Variants in PLEKHM3 observed in about 807,000 individuals in gnomAD.
The protein encoded by PLEKHM3 is pleckstrin homology domain containing M3, also known as pleckstrin homology domain-containing family M member 3.
A neutral mutation model predicts 81.8 loss-of-function variants in PLEKHM3; 45 were observed. That is an observed-to-expected ratio of 0.55 (90% CI 0.43 to 0.71). The LOEUF is 0.71. PLEKHM3 is among the 30% of genes least tolerant of loss of function. The probability of loss-of-function intolerance (pLI) is 0.00; values close to 1 mark genes in which losing one functional copy is unlikely to be tolerated. For missense variants in PLEKHM3, 788 were observed against 924.3 expected (o/e 0.85, Z 1.91); for synonymous variants, 352 against 356.4 (o/e 0.99, Z 0.14).
At chr2:208,005,366 C>T (rs1263122755) in intron 1 of PLEKHM3, among the ~76,000 whole-genome samples, 1 of 152,138 alleles carries the variant, frequency 6.6e-6, no homozygotes. Context: ...ATTTAGTTGT[C>T]ATGTTTCTTG....
At chr2:207,916,316 C>T (rs1056732135) in intron 5 of PLEKHM3, among the ~76,000 whole-genome samples, 1 of 152,110 alleles carries the variant, frequency 6.6e-6, no homozygotes, top group Non-Finnish European at 1.5e-5. Flanking sequence ...AGTATTGTGG[C>T]ATCTGATTAT....
intron 5 of PLEKHM3, among the ~76,000 whole-genome samples, chr2:207,923,907 T>TATATA (rs1689292624): frequency 1.5e-5 from 1 of 66,166 alleles, no homozygotes; most frequent in African/African-American, 7.9e-5. Context: ...ATATATATAT[T>TATATA]TTTTTTTTTT....
At chr2:208,011,785 C>CATT (rs1692703309) in intron 1 of PLEKHM3, among the ~76,000 whole-genome samples, 1 of 79,992 alleles carries the variant, frequency 1.3e-5, no homozygotes, top group African/African-American at 6.0e-5. Flanking sequence ...CTCTGATAAA[C>CATT]TTTTTTTTTT....
chr2:207,977,048 C>T lies in PLEKHM3; in HGVS notation c.1149G>A (p.Val383=), dbSNP rs1212993259. ...VQNNWKAFTF[V]LSRAYLMAFQ... is the part of the protein sequence containing the mutation. ...AAGCCATAAGGTAAGCCCTGCTCAG[C>T]ACAAATGTAAATGCCTTCCAGTTGT... The change falls in exon 3 of 8, where the codon GTG becomes GTA. Residue 383 remains valine (V), a synonymous_variant. Transcript: ENST00000427836. 1 of 1,614,254 alleles carries T rather than the reference C, an allele frequency of 6.2e-7. No homozygotes were observed. The highest frequency in any genetic ancestry group is 1.1e-5 in the South Asian group (1 of 91,090).
rs1362164015 is a variant in PLEKHM3 at position 208,001,053 on chromosome 2, A to G, written c.587T>C (p.Ile196Thr). 8 of 1,552,746 alleles carry G rather than the reference A, an allele frequency of 5.2e-6. No homozygotes were observed. The highest frequency in any genetic ancestry group is 4.1e-5 in the African/African-American group (3 of 72,878). The change falls in exon 2 of 8, where the codon ATA becomes ACA. Residue 196 changes from isoleucine (I) to threonine (T), a missense_variant. Ile to Thr is a moderately conservative substitution (Grantham distance 89, BLOSUM62 -1). Coordinates refer to ENST00000427836, the MANE Select transcript of PLEKHM3 (RefSeq NM_001080475.3). ...ACCAGTATTTCCTTGAGCATCTTCT[A>G]TCTTATTTGGTGAGGGCAACAGAAA... is the stretch of plus-strand genomic sequence containing the variant. ...PSFLLPSPNK[I>T]EDAQGNTEHK...
intron 2 of PLEKHM3, among the ~76,000 whole-genome samples, chr2:207,998,111 A>G (rs549375758): frequency 6.6e-6 from 1 of 152,286 alleles, no homozygotes; most frequent in African/African-American, 2.4e-5. Flanking sequence ...GGCAATAGGA[A>G]TATGATTTAT....
At position 207,878,012 on chromosome 2, in the gene PLEKHM3, C is replaced by T. The variant is rs116998898; in HGVS notation, c.1951-16750G>A. Among the ~76,000 whole-genome samples the T allele has an allele frequency of 9.3e-4, 142 of 152,222 alleles. 4 individuals carry two copies. In the East Asian group the frequency reaches 0.024, roughly 26 times the overall value. On this transcript the variant is annotated intron_variant, in intron 6 of 7. Transcript: ENST00000427836. ...GTGCAGTGGCGTAATCTTGTCTTACCGCAACCATCTCTGCCTCCTGGGCTC... is the reference window on the plus strand; with the variant it reads ...GTGCAGTGGCGTAATCTTGTCTTACTGCAACCATCTCTGCCTCCTGGGCTC...
chr2:207,965,599 A>G (rs888318520), intron 3 of PLEKHM3, among the ~76,000 whole-genome samples: 1 of 152,242 alleles, frequency 6.6e-6, no homozygotes, highest in African/African-American at 2.4e-5. Context: ...ATATAAAGTG[A>G]TCAAATCTCT....
chr2:207,992,515 AAAAAC>A (rs900302574), intron 2 of PLEKHM3, among the ~76,000 whole-genome samples: 2 of 152,168 alleles, frequency 1.3e-5, no homozygotes, highest in Non-Finnish European at 2.9e-5. Flanking sequence ...ATTCTGAATA[AAAAAC>A]AAAACATCAC....
At position 207,853,786 on chromosome 2, in the gene PLEKHM3, T is replaced by G. The variant is rs1403404594; in HGVS notation, c.2108+7319A>C. On this transcript the variant is annotated intron_variant, in intron 7 of 7. Coordinates refer to ENST00000427836, the MANE Select transcript of PLEKHM3 (RefSeq NM_001080475.3). Reference sequence around the variant, plus strand: ...CATGCTTGCTATTATTATTATTTTTTTTTTGACAAAGTCTTACTCTGTTGC... The same window carrying G: ...CATGCTTGCTATTATTATTATTTTTGTTTTGACAAAGTCTTACTCTGTTGC... Among the ~76,000 whole-genome samples, 3 of 152,012 alleles carry G rather than the reference T, an allele frequency of 2.0e-5. No homozygotes were observed. The East Asian group carries it at 5.8e-4, about 29-fold the overall frequency.
intron 3 of PLEKHM3, among the ~76,000 whole-genome samples, chr2:207,968,438 T>C (rs1302029785): frequency 6.6e-6 from 1 of 152,154 alleles, no homozygotes; most frequent in East Asian, 1.9e-4. Flanking sequence ...TAGTACAGAT[T>C]CTCTGACATG....
rs180695871 is a variant in PLEKHM3, at chr2:208,010,870, C to T, written c.-318-8913G>A. On this transcript the variant is annotated intron_variant, in intron 1 of 7. Transcript: ENST00000427836. The stretch of plus-strand genomic sequence containing the variant: ...CTCACAAAACTAAAACTGAGTTAAT[C>T]TCAGGAAAAAATCACTTGGTTTTTA... Among the ~76,000 whole-genome samples the T allele has an allele frequency of 2.6e-3, 400 of 152,130 alleles. 2 individuals are homozygous for T. The highest frequency in any genetic ancestry group is 9.0e-3 in the African/African-American group (373 of 41,510).
rs74937441 is a variant in PLEKHM3 at position 207,906,360 on chromosome 2, C to A, written c.1950+2154G>T. On this transcript the variant is annotated intron_variant, in intron 6 of 7. Coordinates refer to ENST00000427836, the MANE Select transcript of PLEKHM3 (RefSeq NM_001080475.3). ...GCTTGACTATGTAGTAAAGGTCAGG[C>A]AGGACCAAAGGAGTTGGGAGAGCTG... is the stretch of plus-strand genomic sequence containing the variant. Among the ~76,000 whole-genome samples, 250 of 152,304 alleles carry A rather than the reference C, an allele frequency of 1.6e-3. 2 individuals are homozygous for A. The highest frequency in any genetic ancestry group is 5.7e-3 in the African/African-American group (236 of 41,566).
At chr2:208,017,119 T>G (rs1205328664) in intron 1 of PLEKHM3, among the ~76,000 whole-genome samples, 1 of 152,250 alleles carries the variant, frequency 6.6e-6, no homozygotes, top group Non-Finnish European at 1.5e-5. Context: ...GTGGAATTTT[T>G]TTTTCCTAAT....
chr2:207,982,248 C>T (rs537528186), intron 2 of PLEKHM3, among the ~76,000 whole-genome samples: 53 of 128,684 alleles, frequency 4.1e-4, no homozygotes, highest in Non-Finnish European at 7.3e-4. Context: ...CCCCTCGCTC[C>T]CCCCCTCCCT....
At position 207,828,343 on chromosome 2, in the gene PLEKHM3, G is replaced by A. The variant is rs747379143; in HGVS notation, c.2262C>T (p.Phe754=). The A allele has an allele frequency of 1.1e-5, 18 of 1,613,376 alleles. No homozygotes were observed. The highest frequency in any genetic ancestry group is 6.7e-5 in the East Asian group (3 of 44,872). ...DESLEEACTM[F]ELSYQNT ...GTCAGGTGTTCTGGTAGGACAGCTC[G>A]AACATGGTGCAAGCCTCCTCTAGAC... Residue 754 remains phenylalanine (F), a synonymous_variant, in exon 8 of 8, where the codon TTC becomes TTT. Transcript: ENST00000427836.
intron 5 of PLEKHM3, among the ~76,000 whole-genome samples, chr2:207,916,496 T>C (rs1266666788): frequency 1.3e-5 from 2 of 152,134 alleles, no homozygotes; most frequent in African/African-American, 4.8e-5. Flanking sequence ...TCCCAGCACT[T>C]TGGGAGGCCG....
intron 7 of PLEKHM3, among the ~76,000 whole-genome samples, chr2:207,858,560 C>T (rs140836312): frequency 6.6e-6 from 1 of 151,352 alleles, no homozygotes; most frequent in East Asian, 1.9e-4. Flanking sequence ...CTGCTCACTG[C>T]GACCTTGGCT....
At chr2:208,008,298 A>G (rs1692565785) in intron 1 of PLEKHM3, among the ~76,000 whole-genome samples, 1 of 151,746 alleles carries the variant, frequency 6.6e-6, no homozygotes, top group Non-Finnish European at 1.5e-5. Flanking sequence ...AAAGTAATAA[A>G]TACTTGTAGA....
Sources: allele counts gnomAD v4.1 joint callset (sites outside exome capture counted in the v4.1 genomes callset), GRCh38; gene constraint gnomAD v4.1.1; transcripts MANE v1.5; gene names NCBI Gene and HGNC (gene_info 2026-07-23, HGNC 2026-07-21).